MECOM: variants seen among roughly 807,000 people sequenced by gnomAD.
MECOM encodes the protein histone-lysine N-methyltransferase MECOM.
In MECOM, 13 loss-of-function variants were observed where a neutral mutation model predicts 116.3. The ratio of observed to expected loss-of-function variants is 0.11; its 90% confidence interval spans 0.07 to 0.18. The LOEUF is 0.18. Ranked by LOEUF, MECOM falls within the 10% of genes least tolerant of loss-of-function variation. The pLI is 1.00. For synonymous variants in MECOM, 528 were observed against 535.2 expected (o/e 0.99, Z 0.19); for missense variants, 1,299 against 1,509.0 (o/e 0.86, Z 2.31).
intron 9 of MECOM, among the ~76,000 whole-genome samples, chr3:169,109,087 T>C (rs935666870): frequency 6.6e-6 from 1 of 152,172 alleles, no homozygotes; most frequent in African/African-American, 2.4e-5. Context: ...TCAGTGTGAA[T>C]GCAAAGGATC....
chr3:169,499,899 T>G (rs75251027), intron 1 of MECOM, among the ~76,000 whole-genome samples: 4,430 of 152,080 alleles, frequency 0.029, 80 homozygotes, highest in African/African-American at 0.049. Flanking sequence ...AAAGCAAGAA[T>G]AAAAATACAC....
chr3:169,599,050 C>A (rs1767497423), intron 1 of MECOM, among the ~76,000 whole-genome samples: 1 of 152,190 alleles, frequency 6.6e-6, no homozygotes, highest in African/African-American at 2.4e-5. Context: ...TCAAAACAGA[C>A]ATATTCATTC....
At chr3:169,469,277 T>C (rs942778271) in intron 1 of MECOM, among the ~76,000 whole-genome samples, 3 of 152,084 alleles carry the variant, frequency 2.0e-5, no homozygotes, top group Admixed American at 6.5e-5. Flanking sequence ...AAGATACAAA[T>C]GTGTGGAACA....
intron 3 of MECOM, 109 bp from the exon 4 acceptor site, chr3:169,131,640 A>C: frequency 3.8e-6 from 3 of 780,818 alleles, no homozygotes; most frequent in Non-Finnish European, 5.8e-6. Context: ...CTTAACAAAC[A>C]TCTTTTTCTT....
At chr3:169,517,154 C>T (rs188452117) in intron 1 of MECOM, among the ~76,000 whole-genome samples, 97 of 152,238 alleles carry the variant, frequency 6.4e-4, no homozygotes, top group African/African-American at 2.1e-3. Context: ...CATCATTCCC[C>T]GGGCAGGAAG....
At chr3:169,101,958 T>C in intron 11 of MECOM, 102 bp downstream of exon 11, 1 of 1,107,360 alleles carries the variant, frequency 9.0e-7, no homozygotes, top group East Asian at 2.5e-5. Context: ...ATGGTGGCTA[T>C]TAATCATCTA....
At chr3:169,608,554 T>G (rs976351620) in intron 1 of MECOM, among the ~76,000 whole-genome samples, 1 of 152,118 alleles carries the variant, frequency 6.6e-6, no homozygotes, top group Non-Finnish European at 1.5e-5. Context: ...CCATCCTCCC[T>G]CCATTTGTGT....
Position 169,477,105 on chromosome 3 carries a change from G to GTATATA in MECOM, c.38-95587_38-95582dup, listed in dbSNP as rs1166256593. 395 of 59,214 alleles carry GTATATA rather than the reference G, an allele frequency of 6.7e-3. 4 individuals carry two copies. Among genetic ancestry groups the GTATATA allele is most frequent in the Middle Eastern group, 0.019 (2 of 108 alleles). The allele number at this position is 59,214 out of a possible 1,614,324, so 3.7% of individuals were successfully genotyped here. On this transcript the variant is annotated intron_variant, in intron 1 of 16. Coordinates refer to ENST00000651503, the MANE Select transcript of MECOM (RefSeq NM_004991.4). ...GATGTGTGTGTGTGTGTGTGTGTGTGTATATATATATATATATATATATAT... is the reference window on the plus strand; with the variant it reads ...GATGTGTGTGTGTGTGTGTGTGTGTGTATATATATATATATATATATATATATATAT...
intron 2 of MECOM, among the ~76,000 whole-genome samples, chr3:169,236,116 T>G (rs1047259554): frequency 6.6e-6 from 1 of 152,142 alleles, no homozygotes; most frequent in African/African-American, 2.4e-5. Context: ...GATGATTTTG[T>G]CCAACTGCAG....
chr3:169,381,872 C>T (rs1340154430), intron 1 of MECOM, among the ~76,000 whole-genome samples: 1 of 152,124 alleles, frequency 6.6e-6, no homozygotes, highest in Non-Finnish European at 1.5e-5. Context: ...ACTACAACCC[C>T]CAAACAATTC....
At chr3:169,638,869 T>C (rs983151817) in intron 1 of MECOM, among the ~76,000 whole-genome samples, 2 of 152,228 alleles carry the variant, frequency 1.3e-5, no homozygotes, top group African/African-American at 4.8e-5. Flanking sequence ...TCTCACACTT[T>C]ACACTTTTCT....
chr3:169,538,146 T>C (rs1461205487), intron 1 of MECOM, among the ~76,000 whole-genome samples: 1 of 152,248 alleles, frequency 6.6e-6, no homozygotes, highest in Non-Finnish European at 1.5e-5. Flanking sequence ...GGCAACTCTC[T>C]ATTGAGATTC....
intron 2 of MECOM, among the ~76,000 whole-genome samples, chr3:169,293,501 C>G (rs1715009009): frequency 6.6e-6 from 1 of 152,168 alleles, no homozygotes; most frequent in South Asian, 2.1e-4. Context: ...CTGAAGCTAG[C>G]CCCATGGCTC....
intron 2 of MECOM, among the ~76,000 whole-genome samples, chr3:169,242,704 A>C (rs540673427): frequency 6.6e-6 from 1 of 152,148 alleles, no homozygotes; most frequent in Non-Finnish European, 1.5e-5. Context: ...TGTATGGGCC[A>C]GTCAGCTGGG....
At chr3:169,593,197 G>T (rs533353868) in intron 1 of MECOM, among the ~76,000 whole-genome samples, 1 of 152,222 alleles carries the variant, frequency 6.6e-6, no homozygotes, top group African/African-American at 2.4e-5. Flanking sequence ...AGCTTGGCTG[G>T]GTTAATAGAG....
rs1440521533 is a variant in MECOM at position 169,104,144 on chromosome 3, G to GGACA, written c.2605-1922_2605-1919dup. The stretch of plus-strand genomic sequence containing the variant: ...TAAAACATTCTCCACAGATGCAAGT[G>GGACA]GACAGCACATTTGTCACTATGAAGG... On this transcript the variant is annotated intron_variant, in intron 10 of 16. Coordinates refer to ENST00000651503, the MANE Select transcript of MECOM (RefSeq NM_004991.4). Among the ~76,000 whole-genome samples the GGACA allele has an allele frequency of 2.6e-5, 4 of 152,110 alleles. No individual in the cohort carries two copies. In the East Asian group the frequency reaches 7.7e-4, roughly 29 times the overall value.
chr3:169,369,244 C>T (rs1184898613), intron 2 of MECOM, among the ~76,000 whole-genome samples: 1 of 151,674 alleles, frequency 6.6e-6, no homozygotes, highest in African/African-American at 2.4e-5. Context: ...GACAGCTGAC[C>T]TTTCCATAAG....
intron 1 of MECOM, among the ~76,000 whole-genome samples, chr3:169,534,176 T>C (rs1759029156): frequency 6.6e-6 from 1 of 152,190 alleles, no homozygotes. Flanking sequence ...CCAAGGTTTC[T>C]TTTGTTAATC....
At chr3:169,262,140 T>G (rs978205484) in intron 2 of MECOM, among the ~76,000 whole-genome samples, 2 of 152,230 alleles carry the variant, frequency 1.3e-5, no homozygotes, top group Non-Finnish European at 2.9e-5. Flanking sequence ...TGACTTCTAA[T>G]AGTAACATCC....
Sources: gnomAD v4.1 joint callset for allele counts (sites outside exome capture counted in the v4.1 genomes callset) on GRCh38, gnomAD v4.1.1 for gene constraint, MANE v1.5 for transcripts, NCBI Gene and HGNC (gene_info 2026-07-23, HGNC 2026-07-21) for gene names.